TSHZ3: variants seen among roughly 807,000 people sequenced by gnomAD.
The protein encoded by TSHZ3 is teashirt zinc finger homeobox 3, also known as teashirt homolog 3.
TSHZ3 carries 10 observed loss-of-function variants against 64.5 expected under a neutral mutation model. That is an observed-to-expected ratio of 0.16 (90% confidence interval 0.10 to 0.26). TSHZ3 has a LOEUF of 0.26. Ranked by LOEUF, TSHZ3 falls within the 10% of genes least tolerant of loss-of-function variation. The pLI is 1.00. For synonymous variants in TSHZ3, 608 were observed against 593.1 expected, an observed-to-expected ratio of 1.03 and a Z score of -0.36; for missense variants, 1,242 against 1,421.7, an observed-to-expected ratio of 0.87 and a Z score of 2.03.
chr19:31,249,648 C>CA (rs1975808758), intron 1 of TSHZ3, among the ~76,000 whole-genome samples: 1 of 152,206 alleles, frequency 6.6e-6, no homozygotes, highest in Non-Finnish European at 1.5e-5. Flanking sequence ...TCAGTTTTGA[C>CA]AAAACCTCGA....
intron 5 of TSHZ3, among the ~76,000 whole-genome samples, chr19:31,160,809 T>A (rs982765702): frequency 6.6e-6 from 1 of 151,960 alleles, no homozygotes. Flanking sequence ...CACACACACA[T>A]GCATATACAC....
chr19:31,307,313 C>T (rs1916329647), intron 1 of TSHZ3, among the ~76,000 whole-genome samples: 1 of 152,038 alleles, frequency 6.6e-6, no homozygotes, highest in Non-Finnish European at 1.5e-5. Context: ...TAGTGCTCCC[C>T]CTCCCCATGT....
intron 5 of TSHZ3, among the ~76,000 whole-genome samples, chr19:31,168,105 G>A (rs536938198): frequency 6.6e-6 from 1 of 152,206 alleles, no homozygotes; most frequent in South Asian, 2.1e-4. Flanking sequence ...TGTTAAAACT[G>A]TGAGGGGAAA....
chr19:31,178,805 G>T (rs1406903456), intron 5 of TSHZ3, among the ~76,000 whole-genome samples: 1 of 152,198 alleles, frequency 6.6e-6, no homozygotes, highest in Non-Finnish European at 1.5e-5. Context: ...CTGGACCTTG[G>T]AGGAAGGACA....
intron 1 of TSHZ3, among the ~76,000 whole-genome samples, chr19:31,315,744 T>G (rs1057091857): frequency 1.3e-5 from 2 of 152,194 alleles, no homozygotes; most frequent in Non-Finnish European, 2.9e-5. Context: ...ACACAAACCA[T>G]TAAGTTTGTG....
At chr19:31,348,817 G>C in intron 1 of TSHZ3, 1 of 234,908 alleles carries the variant, frequency 4.3e-6, no homozygotes, top group East Asian at 8.5e-5. Context: ...CGGAGGACGC[G>C]GAAGATGTCC....
chr19:31,324,634 C>T (rs777193014), intron 1 of TSHZ3, among the ~76,000 whole-genome samples: 5 of 152,202 alleles, frequency 3.3e-5, no homozygotes, highest in Non-Finnish European at 7.3e-5. Flanking sequence ...CTGAAATCTG[C>T]CCCACCAGCA....
Position 31,173,195 on chromosome 19 carries a change from C to T in TSHZ3, n.810-16778G>A, listed in dbSNP as rs75898091. On this transcript the variant is annotated intron_variant and non_coding_transcript_variant, in intron 5 of 6. Coordinates refer to the TSHZ3 transcript ENST00000651361. ...AAGCTGGTAGCAGCAGTTGTGGATG[C>T]GAGAATATTCTAAATGTGGAAATAT... Among the ~76,000 whole-genome samples, 29 of 152,152 alleles carry T rather than the reference C, an allele frequency of 1.9e-4. No individual in the cohort carries two copies. In the East Asian group the frequency reaches 2.7e-3, roughly 14 times the overall value.
intron 5 of TSHZ3, among the ~76,000 whole-genome samples, chr19:31,192,584 G>A (rs1974926864): frequency 1.3e-5 from 2 of 152,090 alleles, no homozygotes; most frequent in Admixed American, 6.6e-5. Flanking sequence ...GGCCCTTTAA[G>A]TTCTGTTAGT....
At chr19:31,296,335 T>C (rs1976659694) in intron 1 of TSHZ3, among the ~76,000 whole-genome samples, 1 of 148,278 alleles carries the variant, frequency 6.7e-6, no homozygotes, top group Non-Finnish European at 1.5e-5. Flanking sequence ...GAATTTTTTT[T>C]TTTTTTTTTT....
rs1976267854 is a variant in TSHZ3, at chr19:31,277,670, A to T, written c.2123T>A (p.Ile708Asn). Residue 708 changes from isoleucine (I) to asparagine (N), a missense_variant, in exon 2 of 2, where the codon ATC becomes AAC. Around this residue, in one of 4 missense-constraint regions of TSHZ3, gnomAD observed 550 missense variants for 545.1 expected, o/e 1.01. Coordinates refer to ENST00000240587, the MANE Select transcript of TSHZ3 (RefSeq NM_020856.4). This position sits in a 1 kb window ranked among gnomAD's most constrained non-coding sequence, Gnocchi z 4.5. Reference protein sequence around the residue: ...LASSLSGSTAIITDHPPEQPF... With the variant: ...LASSLSGSTANITDHPPEQPF... ...CTGTTCAGGCGGGTGGTCGGTGATG[A>T]TGGCCGTGCTGCCACTCAAACTGCT... The T allele has an allele frequency of 6.5e-7, 1 of 1,529,080 alleles. No homozygotes were observed. The highest frequency in any genetic ancestry group is 1.4e-5 in the African/African-American group (1 of 72,092). The allele number at this position is 1,529,080 out of a possible 1,614,324, so 94.7% of individuals were successfully genotyped here. A position where few individuals can be genotyped will look rare whatever the true frequency, so the allele number is the denominator to read the frequency against.
At chr19:31,204,013 A>G (rs1016818924) in intron 5 of TSHZ3, among the ~76,000 whole-genome samples, 1 of 152,074 alleles carries the variant, frequency 6.6e-6, no homozygotes, top group Non-Finnish European at 1.5e-5. Flanking sequence ...AAACACCTTC[A>G]CATGGCTGCA....
chr19:31,337,221 T>G (rs570453942), intron 1 of TSHZ3, among the ~76,000 whole-genome samples: 152 of 152,192 alleles, frequency 1.0e-3, no homozygotes, highest in African/African-American at 3.2e-3. Flanking sequence ...CCGGGTGTGA[T>G]GGATGAGCCC....
chr19:31,187,081 G>T (rs1472055281), intron 5 of TSHZ3, among the ~76,000 whole-genome samples: 1 of 151,988 alleles, frequency 6.6e-6, no homozygotes, highest in African/African-American at 2.4e-5. Flanking sequence ...AACACATGTA[G>T]AGATTCATAT....
intron 1 of TSHZ3, among the ~76,000 whole-genome samples, chr19:31,314,214 C>A (rs921755869): frequency 1.3e-5 from 2 of 152,232 alleles, no homozygotes; most frequent in Admixed American, 1.3e-4. Context: ...TCTTTCCCTA[C>A]AGTCTGCACG....
intron 5 of TSHZ3, among the ~76,000 whole-genome samples, chr19:31,177,414 T>C (rs1217976372): frequency 6.6e-6 from 1 of 152,186 alleles, no homozygotes; most frequent in Non-Finnish European, 1.5e-5. Flanking sequence ...CCATGTAATC[T>C]CCATCCCTTG....
intron 5 of TSHZ3, among the ~76,000 whole-genome samples, chr19:31,187,164 C>T (rs1282155049): frequency 1.3e-5 from 2 of 152,116 alleles, no homozygotes; most frequent in Admixed American, 6.5e-5. Context: ...GGCACATGCT[C>T]CCCACCCATA....
At chr19:31,237,074 G>A (rs1266473420) in intron 3 of TSHZ3, among the ~76,000 whole-genome samples, 9 of 74 alleles carry the variant, frequency 0.12, no homozygotes, top group Middle Eastern at 0.5. Context: ...GCTTGAACCC[G>A]GGAGCAGAGG....
At chr19:31,165,424 A>C (rs1974435018) in intron 5 of TSHZ3, among the ~76,000 whole-genome samples, 1 of 152,144 alleles carries the variant, frequency 6.6e-6, no homozygotes, top group African/African-American at 2.4e-5. Context: ...TTTCTTTTGC[A>C]AAAAGATCTT....
Sources: gnomAD v4.1 joint callset for allele counts (sites outside exome capture counted in the v4.1 genomes callset) on GRCh38, gnomAD v4.1.1 for gene constraint, gnomAD v4.1.1 regional missense constraint, Gnocchi (gnomAD v3.1) non-coding constraint, MANE v1.5 for transcripts, NCBI Gene and HGNC (gene_info 2026-07-23, HGNC 2026-07-21) for gene names.